Variants in SNTG1 observed in about 807,000 individuals in gnomAD.
The protein encoded by SNTG1 is syntrophin gamma 1, also known as gamma-1-syntrophin.
A neutral mutation model predicts 74.7 loss-of-function variants in SNTG1; 39 were observed. The ratio of observed to expected loss-of-function variants is 0.52; its 90% CI spans 0.40 to 0.68. The LOEUF (loss-of-function observed/expected upper bound fraction) is 0.68, where lower values mean the gene tolerates loss of function less well. Ranked by LOEUF, SNTG1 falls within the 30% of genes least tolerant of loss-of-function variation. SNTG1 has a pLI of 0.00. For missense variants in SNTG1, 685 were observed against 609.5 expected (o/e 1.12, Z -1.30); for synonymous variants, 254 against 217.1 (o/e 1.17, Z -1.49).
chr8:50,087,525 G>T (rs1329743514), intron 1 of SNTG1, among the ~76,000 whole-genome samples: 1 of 152,026 alleles, frequency 6.6e-6, no homozygotes, highest in Non-Finnish European at 1.5e-5. Flanking sequence ...TTTCTCTTTT[G>T]TTTCTAAAAT....
intron 1 of SNTG1, among the ~76,000 whole-genome samples, chr8:50,169,256 T>A (rs2082727613): frequency 6.6e-6 from 1 of 152,216 alleles, no homozygotes; most frequent in African/African-American, 2.4e-5. Flanking sequence ...GATGGTATGG[T>A]TGTATCTATA....
chr8:50,753,562 G>T (rs142430696), intron 18 of SNTG1, among the ~76,000 whole-genome samples: 10 of 151,970 alleles, frequency 6.6e-5, no homozygotes, highest in African/African-American at 2.4e-4. Flanking sequence ...CAATCTAATG[G>T]CTACTAACTA....
intron 2 of SNTG1, among the ~76,000 whole-genome samples, chr8:50,183,397 C>T (rs547238537): frequency 4.6e-5 from 7 of 152,068 alleles, no homozygotes; most frequent in African/African-American, 7.2e-5. Flanking sequence ...GTGACTGTAC[C>T]GTCTCCAGAG....
At chr8:50,574,654 T>C (rs2094566719) in intron 12 of SNTG1, among the ~76,000 whole-genome samples, 1 of 152,158 alleles carries the variant, frequency 6.6e-6, no homozygotes, top group South Asian at 2.1e-4. Context: ...GTAATCATAT[T>C]CTGAGATTAC....
chr8:50,021,982 GAAGAAA>G (rs537006375), intron 1 of SNTG1, among the ~76,000 whole-genome samples: 118 of 150,514 alleles, frequency 7.8e-4, no homozygotes, highest in African/African-American at 2.7e-3. Flanking sequence ...AGAAGAAGAA[GAAGAAA>G]AAGAAGGAAA....
intron 4 of SNTG1, among the ~76,000 whole-genome samples, chr8:50,411,567 A>G (rs1299772350): frequency 6.6e-6 from 1 of 152,024 alleles, no homozygotes; most frequent in African/African-American, 2.4e-5. Context: ...CTGTTTAGAG[A>G]GTTGTGATTT....
chr8:50,411,603 C>A (rs1432709741), intron 4 of SNTG1, among the ~76,000 whole-genome samples: 1 of 152,002 alleles, frequency 6.6e-6, no homozygotes, highest in Non-Finnish European at 1.5e-5. Flanking sequence ...ATACAAAGGC[C>A]TACTCTTGAA....
At chr8:50,649,574 A>G (rs1033428843) in intron 13 of SNTG1, among the ~76,000 whole-genome samples, 1 of 152,174 alleles carries the variant, frequency 6.6e-6, no homozygotes, top group Non-Finnish European at 1.5e-5. Context: ...ACCAAAATTT[A>G]TCTCTTTCTG....
At chr8:50,523,341 G>A (rs1210703902) in intron 9 of SNTG1, among the ~76,000 whole-genome samples, 1 of 152,168 alleles carries the variant, frequency 6.6e-6, no homozygotes, top group Non-Finnish European at 1.5e-5. Flanking sequence ...TTCACAACTT[G>A]GCTAACTGGC....
intron 11 of SNTG1, among the ~76,000 whole-genome samples, chr8:50,540,768 T>C (rs1030045282): frequency 2.0e-4 from 31 of 152,268 alleles, no homozygotes; most frequent in African/African-American, 7.0e-4. Flanking sequence ...GTTTCTTGCC[T>C]TTAAGTCTAT....
At chr8:50,074,764 G>T (rs956358954) in intron 1 of SNTG1, among the ~76,000 whole-genome samples, 2 of 152,180 alleles carry the variant, frequency 1.3e-5, no homozygotes, top group Non-Finnish European at 2.9e-5. Flanking sequence ...GGCCGCACTT[G>T]AGGAGCCCTT....
At chr8:49,947,296 G>A (rs566302190) in intron 1 of SNTG1, among the ~76,000 whole-genome samples, 6 of 151,666 alleles carry the variant, frequency 4.0e-5, no homozygotes, top group Non-Finnish European at 5.9e-5. Context: ...GCAAAACTCC[G>A]TCTCAAAAAA....
intron 12 of SNTG1, among the ~76,000 whole-genome samples, chr8:50,569,338 G>C (rs2094533663): frequency 6.6e-6 from 1 of 151,894 alleles, no homozygotes; most frequent in Non-Finnish European, 1.5e-5. Flanking sequence ...TCAGTTATTA[G>C]AGTGTATTCT....
At chr8:50,306,311 G>T (rs1418764383) in intron 2 of SNTG1, among the ~76,000 whole-genome samples, 1 of 151,894 alleles carries the variant, frequency 6.6e-6, no homozygotes, top group Non-Finnish European at 1.5e-5. Flanking sequence ...GGACACTGGG[G>T]TTGGTTCTAT....
chr8:50,176,045 C>A (rs532856343), intron 2 of SNTG1, among the ~76,000 whole-genome samples: 9 of 152,202 alleles, frequency 5.9e-5, no homozygotes, highest in African/African-American at 2.2e-4. Context: ...CTAGAGGCGG[C>A]CCCAGGCTTC....
intron 13 of SNTG1, among the ~76,000 whole-genome samples, chr8:50,640,569 C>T (rs1429343607): frequency 1.3e-5 from 2 of 152,166 alleles, no homozygotes; most frequent in African/African-American, 2.4e-5. Context: ...CCAATTCCAC[C>T]ATCCACGATC....
chr8:50,097,601 G>A (rs931746114), intron 1 of SNTG1, among the ~76,000 whole-genome samples: 4 of 151,506 alleles, frequency 2.6e-5, no homozygotes, highest in Non-Finnish European at 4.4e-5. Flanking sequence ...GCAGTGAGCG[G>A]AGATCGCGCC....
At chr8:49,997,976 A>C (rs1563449769) in intron 1 of SNTG1, among the ~76,000 whole-genome samples, 1 of 152,202 alleles carries the variant, frequency 6.6e-6, no homozygotes, top group Non-Finnish European at 1.5e-5. Context: ...TCATGTGAAC[A>C]TAATAGAGGA....
intron 13 of SNTG1, among the ~76,000 whole-genome samples, chr8:50,603,270 G>C (rs1159421205): frequency 2.0e-5 from 3 of 152,062 alleles, no homozygotes; most frequent in African/African-American, 7.2e-5. Context: ...TCTCTTTTCT[G>C]CTCCACAGTT....
Sources: gnomAD v4.1 joint callset for allele counts (sites outside exome capture counted in the v4.1 genomes callset) on GRCh38, gnomAD v4.1.1 for gene constraint, MANE v1.5 for transcripts, NCBI Gene and HGNC (gene_info 2026-07-23, HGNC 2026-07-21) for gene names.